Variants in ACTR3B observed in about 807,000 individuals in gnomAD.
ACTR3B encodes actin-related protein 3B.
Under a neutral mutation model 59.0 loss-of-function variants are expected in ACTR3B, and 8 were observed. The observed-to-expected ratio is 0.14, with a 90% CI of 0.08 to 0.24. The LOEUF (loss-of-function observed/expected upper bound fraction) is 0.24, where lower values mean the gene tolerates loss of function less well. Among genes scored for constraint, ACTR3B ranks in the 10% least tolerant of loss-of-function variants. ACTR3B has a pLI of 1.00. For synonymous variants in ACTR3B, 148 were observed against 197.9 expected (o/e 0.75, Z 2.12); for missense variants, 245 against 552.3 (o/e 0.44, Z 5.58).
intron 2 of ACTR3B, 107 bp from the exon 3 acceptor site, chr7:152,800,424 C>G: frequency 3.6e-6 from 5 of 1,405,084 alleles, no homozygotes; most frequent in Non-Finnish European, 3.8e-6. Flanking sequence ...CACATGGAGC[C>G]CTAACAATGA....
intron 1 of ACTR3B, among the ~76,000 whole-genome samples, chr7:152,766,423 G>T (rs561899174): frequency 1.5e-3 from 226 of 152,300 alleles, no homozygotes; most frequent in Non-Finnish European, 2.7e-3. Context: ...CAAGGCATTG[G>T]CATAAACCAC....
At chr7:152,817,954 C>G (rs949163199) in intron 6 of ACTR3B, among the ~76,000 whole-genome samples, 1 of 152,200 alleles carries the variant, frequency 6.6e-6, no homozygotes, top group Admixed American at 6.5e-5. Context: ...GCCCCCATAC[C>G]TTGTACTCCT....
rs1017024794 is a variant in ACTR3B, at chr7:152,854,694, C to A, written c.*141C>A. On this transcript the variant is annotated 3_prime_UTR_variant, in exon 12 of 12. Transcript: ENST00000256001. The surrounding 1 kb of genome is among the most constrained non-coding windows in gnomAD (Gnocchi z 4.9). Reference sequence around the variant, plus strand: ...GCTTGCATTGCCGGTGCATGAGGCGCGGCGCGGGCCCTTCAGTAAAAGCCA... The same window carrying A: ...GCTTGCATTGCCGGTGCATGAGGCGAGGCGCGGGCCCTTCAGTAAAAGCCA... 3.8e-6 allele frequency: 3 copies of A among 789,272 alleles called. No individual in the cohort carries two copies. The highest frequency in any genetic ancestry group is 3.5e-5 in the African/African-American group (2 of 57,850). The allele number at this position is 789,272 out of a possible 1,614,324, so 48.9% of individuals were successfully genotyped here.
intron 9 of ACTR3B, among the ~76,000 whole-genome samples, chr7:152,828,992 C>T (rs1796803546): frequency 1.3e-5 from 2 of 151,458 alleles, no homozygotes; most frequent in Non-Finnish European, 2.9e-5. Flanking sequence ...TTTATGAGTA[C>T]TTAATAGGTA....
chr7:152,780,156 G>A (rs1041468499), intron 1 of ACTR3B, among the ~76,000 whole-genome samples: 3 of 152,062 alleles, frequency 2.0e-5, no homozygotes, highest in Admixed American at 2.0e-4. Flanking sequence ...TTTGAGACCA[G>A]CTTGGCCAAC....
At chr7:152,837,129 T>C (rs527982573) in intron 9 of ACTR3B, among the ~76,000 whole-genome samples, 6 of 152,342 alleles carry the variant, frequency 3.9e-5, no homozygotes, top group African/African-American at 1.4e-4. Flanking sequence ...GGAGTTAGGA[T>C]TGTACCACTG....
intron 1 of ACTR3B, among the ~76,000 whole-genome samples, chr7:152,778,269 T>A (rs2098141350): frequency 6.6e-6 from 1 of 151,570 alleles, no homozygotes; most frequent in Non-Finnish European, 1.5e-5. Flanking sequence ...TTTATTTATT[T>A]TTTATTTTTT....
intron 9 of ACTR3B, among the ~76,000 whole-genome samples, chr7:152,830,246 G>T (rs1261699563): frequency 6.6e-6 from 1 of 152,136 alleles, no homozygotes; most frequent in African/African-American, 2.4e-5. Flanking sequence ...AGATGCCTGC[G>T]GTGCCTGTTT....
At chr7:152,822,183 T>C (rs1213929693) in intron 7 of ACTR3B, among the ~76,000 whole-genome samples, 1 of 152,204 alleles carries the variant, frequency 6.6e-6, no homozygotes, top group East Asian at 1.9e-4. Context: ...CTAGAGTATA[T>C]CCAAGATACC....
chr7:152,773,917 C>T (rs1368287701), intron 1 of ACTR3B, among the ~76,000 whole-genome samples: 1 of 152,148 alleles, frequency 6.6e-6, no homozygotes, highest in Non-Finnish European at 1.5e-5. Flanking sequence ...CTCCTCAGCC[C>T]TCCTATTCCA....
In ACTR3B at chr7:152,766,686, A is replaced by G. The variant is rs527775120; in HGVS notation, c.44+6760A>G. On this transcript the variant is annotated intron_variant, in intron 1 of 11. Transcript: ENST00000256001. The stretch of plus-strand genomic sequence containing the variant: ...ATGCAAAGTTTGTTTTCTTTAGGCA[A>G]TCGGATTTATTCATCTTTTCTTTAT... Among the ~76,000 whole-genome samples the G allele has an allele frequency of 4.6e-4, 70 of 152,304 alleles. 1 individual carries two copies. Among genetic ancestry groups the G allele is most frequent in the African/African-American group, 1.7e-3 (69 of 41,562 alleles).
chr7:152,784,104 G>A (rs1590237166), intron 2 of ACTR3B, among the ~76,000 whole-genome samples: 1 of 151,542 alleles, frequency 6.6e-6, no homozygotes, highest in African/African-American at 2.4e-5. Flanking sequence ...AAAAAAAAAA[G>A]ATAGGATTCC....
At chr7:152,852,280 C>T in intron 10 of ACTR3B, 29 bp downstream of exon 10, 1 of 1,557,122 alleles carries the variant, frequency 6.4e-7, no homozygotes, top group South Asian at 1.2e-5. Context: ...CACGCAGTGC[C>T]TGGGGCTATT....
At chr7:152,778,445 C>T (rs1340689971) in intron 1 of ACTR3B, among the ~76,000 whole-genome samples, 3 of 151,652 alleles carry the variant, frequency 2.0e-5, no homozygotes, top group Non-Finnish European at 4.4e-5. Context: ...ACCATTTTGC[C>T]CAGGGTGGTC....
intron 9 of ACTR3B, among the ~76,000 whole-genome samples, chr7:152,836,719 C>A (rs1440984570): frequency 6.6e-6 from 1 of 152,120 alleles, no homozygotes; most frequent in Non-Finnish European, 1.5e-5. Flanking sequence ...GTGCTAGATT[C>A]GCTGATGAGA....
rs1266437991 is a variant in ACTR3B, at chr7:152,854,289, A to C, written c.1162-169A>C. 1.3e-5 allele frequency among the ~76,000 whole-genome samples: 2 copies of C among 151,986 alleles called. No homozygotes were observed. ...GATGAAATTTCTAAAAAGTGAAATA[A>C]CTCCCCATTTAGTAGTTTAGTACAT... is the stretch of plus-strand genomic sequence containing the variant. On this transcript the variant is annotated intron_variant, in intron 11 of 11. Coordinates refer to ENST00000256001, the MANE Select transcript of ACTR3B (RefSeq NM_020445.6). The surrounding 1 kb of genome is among the most constrained non-coding windows in gnomAD (Gnocchi z 4.9).
chr7:152,763,817 CATTTT>C (rs1189469492), intron 1 of ACTR3B, among the ~76,000 whole-genome samples: 1 of 152,134 alleles, frequency 6.6e-6, no homozygotes, highest in Non-Finnish European at 1.5e-5. Context: ...TATTAGTTAA[CATTTT>C]ATTTTAAGGA....
intron 9 of ACTR3B, among the ~76,000 whole-genome samples, chr7:152,825,751 A>G (rs1796521372): frequency 6.6e-6 from 1 of 152,108 alleles, no homozygotes; most frequent in African/African-American, 2.4e-5. Context: ...CGTGAATTCC[A>G]TTGGTTTCGT....
At chr7:152,809,833 G>A (rs1309297085) in intron 4 of ACTR3B, among the ~76,000 whole-genome samples, 3 of 151,834 alleles carry the variant, frequency 2.0e-5, no homozygotes, top group Non-Finnish European at 2.9e-5. Flanking sequence ...GAGCCACTGC[G>A]CCCAGCTAGC....
Sources: allele counts gnomAD v4.1 joint callset (sites outside exome capture counted in the v4.1 genomes callset), GRCh38; gene constraint gnomAD v4.1.1; non-coding constraint Gnocchi (gnomAD v3.1); transcripts MANE v1.5; gene names NCBI Gene and HGNC (gene_info 2026-07-23, HGNC 2026-07-21).